RIT2: variants seen among roughly 807,000 people sequenced by gnomAD.
RIT2 encodes the protein GTP-binding protein Rit2.
Under a neutral mutation model 23.7 loss-of-function variants are expected in RIT2, and 24 were observed. That is an observed-to-expected ratio of 1.01 (90% CI 0.73 to 1.43). RIT2 has a LOEUF of 1.43. RIT2 is among the 40% of genes most tolerant of loss of function. The pLI is 0.00. For synonymous variants in RIT2, 107 were observed against 91.1 expected, an observed-to-expected ratio of 1.17 and a Z score of -0.99; for missense variants, 236 against 266.9, an observed-to-expected ratio of 0.88 and a Z score of 0.81.
rs1407158783 is a variant in RIT2 at position 42,812,476 on chromosome 18, C to T, written c.427-68756G>A. 2.0e-5 allele frequency among the ~76,000 whole-genome samples: 3 copies of T among 152,086 alleles called. 1 individual carries two copies. Among genetic ancestry groups the T allele is most frequent in the Admixed American group, 2.0e-4 (3 of 15,266 alleles). ...TCATATTGAATGAGTAAAATGGCAT[C>T]TTTGGCTTGGAGAATTTTGTTAGAA... On this transcript the variant is annotated intron_variant, in intron 4 of 4. Coordinates refer to ENST00000326695, the MANE Select transcript of RIT2 (RefSeq NM_002930.4).
intron 4 of RIT2, among the ~76,000 whole-genome samples, chr18:42,770,833 A>C (rs1913534941): frequency 6.6e-6 from 1 of 151,858 alleles, no homozygotes; most frequent in African/African-American, 2.4e-5. Context: ...AGAAGGATGG[A>C]GAGAGGAAGG....
intron 1 of RIT2, among the ~76,000 whole-genome samples, chr18:43,046,290 T>C (rs994358795): frequency 1.3e-5 from 2 of 152,244 alleles, no homozygotes; most frequent in Admixed American, 6.5e-5. Context: ...TGACACAACA[T>C]AAAATTTGAA....
chr18:42,874,844 A>G (rs1907705045), intron 4 of RIT2, among the ~76,000 whole-genome samples: 1 of 152,034 alleles, frequency 6.6e-6, no homozygotes, highest in Admixed American at 6.6e-5. Context: ...GAGTGAATCC[A>G]TTTGAGGGAT....
chr18:42,950,966 G>A (rs116993681), intron 3 of RIT2, among the ~76,000 whole-genome samples: 1 of 152,046 alleles, frequency 6.6e-6, no homozygotes, highest in East Asian at 1.9e-4. Flanking sequence ...CACCCTACTG[G>A]TGGGAAAGGA....
intron 4 of RIT2, among the ~76,000 whole-genome samples, chr18:42,903,581 T>C (rs1908534834): frequency 6.6e-6 from 1 of 152,086 alleles, no homozygotes; most frequent in South Asian, 2.1e-4. Flanking sequence ...AAAATATAAA[T>C]TATCATAATT....
intron 1 of RIT2, among the ~76,000 whole-genome samples, chr18:43,105,406 AG>A (rs1162692412): frequency 6.7e-6 from 1 of 149,116 alleles, no homozygotes; most frequent in African/African-American, 2.5e-5. Context: ...TATGTTACAG[AG>A]GTAAACTGCC....
chr18:42,775,780 C>T (rs1913655891), intron 4 of RIT2, among the ~76,000 whole-genome samples: 1 of 151,948 alleles, frequency 6.6e-6, no homozygotes, highest in Non-Finnish European at 1.5e-5. Flanking sequence ...AAATATATTC[C>T]TCATACCCAT....
chr18:42,994,006 A>G (rs1406785193), intron 2 of RIT2, among the ~76,000 whole-genome samples: 1 of 145,260 alleles, frequency 6.9e-6, no homozygotes, highest in East Asian at 2.1e-4. Flanking sequence ...CTTACAGGTT[A>G]GTTCAGGATC....
At chr18:43,103,147 T>C (rs921567181) in intron 1 of RIT2, among the ~76,000 whole-genome samples, 1 of 152,150 alleles carries the variant, frequency 6.6e-6, no homozygotes, top group African/African-American at 2.4e-5. Flanking sequence ...CCTTACCCTA[T>C]ACTTACATAC....
At chr18:42,995,970 A>G (rs975273199) in intron 2 of RIT2, among the ~76,000 whole-genome samples, 6 of 152,166 alleles carry the variant, frequency 3.9e-5, no homozygotes, top group African/African-American at 1.4e-4. Flanking sequence ...TGCTATCCCC[A>G]AACTGCCACT....
chr18:43,026,178 T>C (rs959742531), intron 2 of RIT2, among the ~76,000 whole-genome samples: 6 of 151,656 alleles, frequency 4.0e-5, no homozygotes, highest in Admixed American at 3.9e-4. Flanking sequence ...CTCCTGAGAG[T>C]ATATTGTGTG....
At chr18:43,017,226 T>C (rs1048400602) in intron 2 of RIT2, among the ~76,000 whole-genome samples, 3 of 151,974 alleles carry the variant, frequency 2.0e-5, no homozygotes, top group Non-Finnish European at 4.4e-5. Context: ...TGTTAGCTCA[T>C]TTTAGGTACG....
At chr18:43,062,264 C>A (rs1353956145) in intron 1 of RIT2, among the ~76,000 whole-genome samples, 3 of 152,026 alleles carry the variant, frequency 2.0e-5, no homozygotes, top group Admixed American at 6.6e-5. Flanking sequence ...ACAACCCTCA[C>A]GATTTCCTTA....
At chr18:42,809,250 A>G (rs1481641044) in intron 4 of RIT2, among the ~76,000 whole-genome samples, 1 of 152,154 alleles carries the variant, frequency 6.6e-6, no homozygotes, top group Non-Finnish European at 1.5e-5. Context: ...AGATTAAAAA[A>G]TAGGGGCACG....
chr18:42,822,984 T>C (rs1456813954), intron 4 of RIT2, among the ~76,000 whole-genome samples: 1 of 152,098 alleles, frequency 6.6e-6, no homozygotes, highest in Non-Finnish European at 1.5e-5. Flanking sequence ...CTGTTGAGAC[T>C]GTGCCCAAGA....
At chr18:42,957,283 C>A (rs543161373) in intron 3 of RIT2, among the ~76,000 whole-genome samples, 4 of 152,110 alleles carry the variant, frequency 2.6e-5, no homozygotes, top group Admixed American at 2.6e-4. Flanking sequence ...TAAAGTAGAA[C>A]AAGAATTTAA....
At chr18:43,001,827 G>A (rs573461730) in intron 2 of RIT2, among the ~76,000 whole-genome samples, 42 of 12,916 alleles carry the variant, frequency 3.3e-3, no homozygotes, top group African/African-American at 3.5e-3. Context: ...ATACTTTTAA[G>A]CTGTTCTGTG....
At chr18:42,849,059 C>T (rs1412258207) in intron 4 of RIT2, among the ~76,000 whole-genome samples, 2 of 152,090 alleles carry the variant, frequency 1.3e-5, no homozygotes, top group East Asian at 3.9e-4. Context: ...GAGTTACCTG[C>T]TATTTTCAGA....
chr18:43,071,929 A>G (rs1224428211), intron 1 of RIT2, among the ~76,000 whole-genome samples: 1 of 152,042 alleles, frequency 6.6e-6, no homozygotes. Flanking sequence ...TTATCAAAAG[A>G]ATTATCAGTT....
Sources: gnomAD v4.1 joint callset for allele counts (sites outside exome capture counted in the v4.1 genomes callset) on GRCh38, gnomAD v4.1.1 for gene constraint, MANE v1.5 for transcripts, NCBI Gene and HGNC (gene_info 2026-07-23, HGNC 2026-07-21) for gene names.